The following HS1BP3 variants were observed in gnomAD, a reference collection of about 807,000 sequenced individuals.
HS1BP3 encodes HCLS1 binding protein 3.
A neutral mutation model predicts 33.5 loss-of-function variants in HS1BP3; 32 were observed. The ratio of observed to expected loss-of-function variants is 0.95; its 90% confidence interval spans 0.72 to 1.28. The LOEUF is 1.28. Ranked by LOEUF, HS1BP3 falls within the 50% of genes most tolerant of loss-of-function variation. HS1BP3 has a pLI of 0.00. For synonymous variants in HS1BP3, 187 were observed against 209.2 expected, an observed-to-expected ratio of 0.89 and a Z score of 0.92; for missense variants, 486 against 502.3, an observed-to-expected ratio of 0.97 and a Z score of 0.31.
At position 20,601,833 on chromosome 2, in the gene HS1BP3, C is replaced by T. The variant is rs184720344; in HGVS notation, c.179-3568G>A. ...TTGCTCTGTTGCCCAGGCTGGAGTG[C>T]AGTGGCGTGATCTCGGCTCACTGCA... is the stretch of plus-strand genomic sequence containing the variant. On this transcript the variant is annotated intron_variant, in intron 2 of 3. Coordinates refer to the HS1BP3 transcript ENST00000415264. Among the ~76,000 whole-genome samples the T allele has an allele frequency of 2.1e-3, 251 of 118,652 alleles. 2 individuals are homozygous for T. Among genetic ancestry groups the T allele is most frequent in the African/African-American group, 7.6e-3 (245 of 32,032 alleles). 77.8% of individuals were successfully genotyped at this position (118,652 alleles called of 152,430 possible). A position where few individuals can be genotyped will look rare whatever the true frequency, so the allele number is the denominator to read the frequency against.
Position 20,650,114 on chromosome 2 carries a change from A to C in HS1BP3, c.32+918T>G, listed in dbSNP as rs1248869572. Among the ~76,000 whole-genome samples, 3 of 152,320 alleles carry C rather than the reference A, an allele frequency of 2.0e-5. No individual in the cohort carries two copies. In the East Asian group the frequency reaches 5.8e-4, roughly 29 times the overall value. The stretch of plus-strand genomic sequence containing the variant: ...CATGAAAGACCAAGCAGCCTCCGAC[A>C]TCAGGGTTTACAAAAGGAATCATAC... On this transcript the variant is annotated intron_variant, in intron 1 of 6. Coordinates refer to ENST00000304031, the MANE Select transcript of HS1BP3 (RefSeq NM_022460.4).
intron 6 of HS1BP3, chr2:20,623,661 G>A: frequency 6.8e-6 from 3 of 441,970 alleles, no homozygotes; most frequent in Non-Finnish European, 1.2e-5. Context: ...GACTGGTTGT[G>A]CACACAAAGT....
intron 4 of HS1BP3, among the ~76,000 whole-genome samples, chr2:20,633,825 G>A (rs1372841307): frequency 2.6e-5 from 4 of 152,188 alleles, no homozygotes; most frequent in Non-Finnish European, 4.4e-5. Context: ...GTCCGGCCAC[G>A]GCAGTAATCT....
chr2:20,562,054 C>A (rs147810490), intron 5 of HS1BP3, among the ~76,000 whole-genome samples: 201 of 152,294 alleles, frequency 1.3e-3, no homozygotes, highest in African/African-American at 3.6e-3. Flanking sequence ...GGATTGCTAA[C>A]CACGTGGAGG....
At position 20,624,902 on chromosome 2, in the gene HS1BP3, C is replaced by G. The variant is rs1694728239; in HGVS notation, c.624-10G>C. 1 of 1,613,220 alleles carries G rather than the reference C, an allele frequency of 6.2e-7. No individual in the cohort carries two copies. The highest frequency in any genetic ancestry group is 1.7e-5 in the Admixed American group (1 of 59,974). ...CTTGGGCTTCTTGGAGCTGGAGAAT[C>G]ACAGACAAAGCACAAGGTGAGGATT... On this transcript the variant is annotated splice_polypyrimidine_tract_variant and intron_variant, in intron 4 of 6. Coordinates refer to ENST00000304031, the MANE Select transcript of HS1BP3 (RefSeq NM_022460.4).
chr2:20,581,594 C>A (rs1202584257), intron 5 of HS1BP3, among the ~76,000 whole-genome samples: 2 of 152,240 alleles, frequency 1.3e-5, no homozygotes, highest in African/African-American at 4.8e-5. Flanking sequence ...AGGTGATCTG[C>A]CTGCCTCAAC....
chr2:20,583,945 C>T (rs6753563), intron 5 of HS1BP3, among the ~76,000 whole-genome samples: 144,822 of 152,290 alleles, frequency 0.95, 69,308 homozygotes, highest in East Asian at 1. Flanking sequence ...CTGTGTCCCA[C>T]GGCTCCGGGT....
intron 2 of HS1BP3, among the ~76,000 whole-genome samples, chr2:20,644,021 T>TA (rs1477317684): frequency 1.3e-5 from 2 of 152,134 alleles, no homozygotes; most frequent in Non-Finnish European, 2.9e-5. Flanking sequence ...ACTCATCGTT[T>TA]CCCTTTTTAT....
At chr2:20,561,201 C>T (rs1198695504) in intron 5 of HS1BP3, among the ~76,000 whole-genome samples, 1 of 152,168 alleles carries the variant, frequency 6.6e-6, no homozygotes, top group Admixed American at 6.5e-5. Flanking sequence ...GGATGCTCCC[C>T]AGTCTTCTCC....
At position 20,618,756 on chromosome 2, in the gene HS1BP3, A is replaced by C; in HGVS notation, c.*231T>G. On this transcript the variant is annotated 3_prime_UTR_variant, in exon 7 of 7. Transcript: ENST00000304031. Reference sequence around the variant, plus strand: ...TTCATGTCCACGGGGAATAAGACACATTGGGCTCTGGCTCCTAGGGTGAGA... The same window carrying C: ...TTCATGTCCACGGGGAATAAGACACCTTGGGCTCTGGCTCCTAGGGTGAGA... 1.5e-6 allele frequency: 2 copies of C among 1,350,936 alleles called. No homozygotes were observed. The allele number at this position is 1,350,936 out of a possible 1,614,324, so 83.7% of individuals were successfully genotyped here.
rs969037901 is a variant in HS1BP3, at chr2:20,600,064, G to C, written c.179-1799C>G. Among the ~76,000 whole-genome samples, 79 of 152,186 alleles carry C rather than the reference G, an allele frequency of 5.2e-4. 4 individuals are homozygous for C. Among genetic ancestry groups the C allele is most frequent in the Non-Finnish European group, 1.5e-5 (1 of 68,024 alleles). ...CAAATCAGTTAAGCTTCCTTCCTGG[G>C]GAGAGTAATGCCAGGCCTCAGAAAG... is the stretch of plus-strand genomic sequence containing the variant. On this transcript the variant is annotated intron_variant, in intron 2 of 3. Transcript: ENST00000415264.
intron 2 of HS1BP3, among the ~76,000 whole-genome samples, chr2:20,641,703 G>C (rs915728883): frequency 6.6e-6 from 1 of 152,224 alleles, no homozygotes; most frequent in Admixed American, 6.5e-5. Flanking sequence ...GGACCTCTCT[G>C]CACGCAGGCA....
intron 5 of HS1BP3, among the ~76,000 whole-genome samples, chr2:20,571,621 G>C (rs896318899): frequency 3.3e-5 from 5 of 152,216 alleles, no homozygotes; most frequent in African/African-American, 1.2e-4. Flanking sequence ...CAGCAGCAGA[G>C]AGAGATCTTC....
intron 2 of HS1BP3, chr2:20,606,625 T>TTTC (rs1213584256): frequency 8.4e-6 from 4 of 475,080 alleles, no homozygotes; most frequent in Non-Finnish European, 1.3e-5. Flanking sequence ...TTCCAGCGTC[T>TTTC]TTCTTCTTCT....
At chr2:20,572,632 G>A (rs1454656285) in intron 5 of HS1BP3, among the ~76,000 whole-genome samples, 1 of 152,092 alleles carries the variant, frequency 6.6e-6, no homozygotes, top group East Asian at 1.9e-4. Flanking sequence ...TAAGGATTAA[G>A]TTACACAATG....
Position 20,618,735 on chromosome 2 carries a change from T to C in HS1BP3, c.*252A>G, listed in dbSNP as rs1355174342. On this transcript the variant is annotated 3_prime_UTR_variant, in exon 7 of 7. Coordinates refer to ENST00000304031, the MANE Select transcript of HS1BP3 (RefSeq NM_022460.4). ...ATCCCCACACCCTCCCTCCCCTTCA[T>C]GTCCACGGGGAATAAGACACATTGG... is the stretch of plus-strand genomic sequence containing the variant. 15 of 1,288,816 alleles carry C rather than the reference T, an allele frequency of 1.2e-5. No homozygotes were observed. The highest frequency in any genetic ancestry group is 7.6e-5 in the Admixed American group (2 of 26,470). 79.8% of individuals were successfully genotyped at this position (1,288,816 alleles called of 1,614,324 possible). A position where few individuals can be genotyped will look rare whatever the true frequency, so the allele number is the denominator to read the frequency against.
chr2:20,567,885 T>C (rs142909037), intron 5 of HS1BP3, among the ~76,000 whole-genome samples: 1 of 152,168 alleles, frequency 6.6e-6, no homozygotes, highest in African/African-American at 2.4e-5. Flanking sequence ...ATGATGCAGA[T>C]GTGGCTCCCA....
chr2:20,579,757 C>T (rs1693488585), intron 5 of HS1BP3, among the ~76,000 whole-genome samples: 1 of 152,210 alleles, frequency 6.6e-6, no homozygotes, highest in African/African-American at 2.4e-5. Context: ...AAGCAGAAAA[C>T]CTGGGTTCTG....
intron 4 of HS1BP3, among the ~76,000 whole-genome samples, chr2:20,631,555 G>T (rs1415650094): frequency 7.3e-6 from 1 of 137,494 alleles, no homozygotes; most frequent in East Asian, 2.1e-4. Context: ...AAAAAAAAAG[G>T]GGCCAGCCAG....
Sources: allele counts gnomAD v4.1 joint callset (sites outside exome capture counted in the v4.1 genomes callset), GRCh38; gene constraint gnomAD v4.1.1; transcripts MANE v1.5; gene names NCBI Gene and HGNC (gene_info 2026-07-23, HGNC 2026-07-21).